The following PIK3C2A variants were observed in gnomAD, a reference collection of about 807,000 sequenced individuals.
The protein encoded by PIK3C2A is phosphatidylinositol 4-phosphate 3-kinase C2 domain-containing subunit alpha.
PIK3C2A carries 97 observed loss-of-function variants against 204.5 expected under a neutral mutation model. The ratio of observed to expected loss-of-function variants is 0.47; its 90% CI spans 0.40 to 0.56. The LOEUF is 0.56. Ranked by LOEUF, PIK3C2A falls within the 20% of genes least tolerant of loss-of-function variation. The pLI is 0.00. For synonymous variants in PIK3C2A, 653 were observed against 664.4 expected (o/e 0.98, Z 0.26); for missense variants, 1,735 against 1,969.2 (o/e 0.88, Z 2.25).
rs143155191 is a variant in PIK3C2A at position 17,162,476 on chromosome 11, T to A, written c.1065+6201A>T. ...TAGCCTAAACCTGCCTCCTAACACA[T>A]TTTAAGTTCAGCCTAACAATTTCTC... On this transcript the variant is annotated intron_variant, in intron 2 of 32. Coordinates refer to ENST00000691414, the MANE Select transcript of PIK3C2A (RefSeq NM_002645.4). Among the ~76,000 whole-genome samples, 446 of 152,324 alleles carry A rather than the reference T, an allele frequency of 2.9e-3. 2 individuals carry two copies. Among genetic ancestry groups the A allele is most frequent in the Non-Finnish European group, 4.9e-3 (330 of 68,024 alleles).
chr11:17,142,383 G>A (rs186160898), intron 8 of PIK3C2A, among the ~76,000 whole-genome samples: 2 of 152,230 alleles, frequency 1.3e-5, no homozygotes, highest in African/African-American at 4.8e-5. Context: ...AGGAAGATAA[G>A]GAAGAAGCCA....
At chr11:17,181,603 AATATAT>A (rs148434889) in intron 1 of PIK3C2A, among the ~76,000 whole-genome samples, 140 of 101,244 alleles carry the variant, frequency 1.4e-3, no homozygotes, top group African/African-American at 3.0e-3. Context: ...CCCATTTTTA[AATATAT>A]ATATATATAT....
chr11:17,158,675 T>C (rs971893349), intron 2 of PIK3C2A, among the ~76,000 whole-genome samples: 1 of 152,164 alleles, frequency 6.6e-6, no homozygotes, highest in Admixed American at 6.6e-5. Flanking sequence ...GGAGCAGTGC[T>C]GGGAAAACCT....
intron 1 of PIK3C2A, among the ~76,000 whole-genome samples, chr11:17,201,190 A>G (rs1481953024): frequency 6.6e-6 from 1 of 151,850 alleles, no homozygotes; most frequent in Non-Finnish European, 1.5e-5. Context: ...TGGGTTACAG[A>G]GCGATATTCT....
intron 18 of PIK3C2A, among the ~76,000 whole-genome samples, chr11:17,118,414 C>T (rs1849272555): frequency 6.6e-6 from 1 of 152,102 alleles, no homozygotes; most frequent in East Asian, 1.9e-4. Flanking sequence ...GCTATATAAG[C>T]AAGTCGAAAC....
At chr11:17,129,919 T>C (rs945235889) in intron 12 of PIK3C2A, among the ~76,000 whole-genome samples, 3 of 152,240 alleles carry the variant, frequency 2.0e-5, no homozygotes, top group Non-Finnish European at 2.9e-5. Flanking sequence ...AACCTTTAGC[T>C]AAATAGAAGT....
At chr11:17,155,679 G>A (rs780981918) in intron 2 of PIK3C2A, 50 bp from the exon 3 acceptor site, 2 of 1,017,876 alleles carry the variant, frequency 2.0e-6, no homozygotes, top group Non-Finnish European at 3.1e-6. Context: ...TCCACAAAAT[G>A]CTACATAGCA....
At chr11:17,124,995 T>C (rs184850942) in intron 13 of PIK3C2A, among the ~76,000 whole-genome samples, 1 of 152,230 alleles carries the variant, frequency 6.6e-6, no homozygotes, top group Admixed American at 6.5e-5. Flanking sequence ...TATTTTGCAG[T>C]TGGTATTGTA....
At chr11:17,165,631 C>T (rs12804000) in intron 2 of PIK3C2A, among the ~76,000 whole-genome samples, 63,826 of 151,420 alleles carry the variant, frequency 0.42, 13,793 homozygotes, top group Non-Finnish European at 0.47. Context: ...CAAAATTAGC[C>T]GGTCGTGGTG....
At chr11:17,160,463 A>T (rs1456358851) in intron 2 of PIK3C2A, among the ~76,000 whole-genome samples, 1 of 152,336 alleles carries the variant, frequency 6.6e-6, no homozygotes, top group Admixed American at 6.5e-5. Context: ...TGGCAATTCT[A>T]TAACATAATG....
intron 8 of PIK3C2A, among the ~76,000 whole-genome samples, chr11:17,140,812 A>G (rs1033701224): frequency 1.3e-5 from 2 of 152,252 alleles, no homozygotes; most frequent in African/African-American, 4.8e-5. Context: ...TATATAAATT[A>G]TACCTCAATA....
chr11:17,132,070 C>A lies in PIK3C2A; in HGVS notation c.2109-32G>T, dbSNP rs565526343. ...AAAGAAAGTTTAACTTGATTTCTAT[C>A]ATGATAATACAAATTAGTTAACTAA... On this transcript the variant is annotated intron_variant, in intron 11 of 32. Coordinates refer to ENST00000691414, the MANE Select transcript of PIK3C2A (RefSeq NM_002645.4). 12 of 1,281,042 alleles carry A rather than the reference C, an allele frequency of 9.4e-6. No individual in the cohort carries two copies. In the South Asian group the frequency reaches 1.6e-4, roughly 17 times the overall value. 79.4% of individuals were successfully genotyped at this position (1,281,042 alleles called of 1,614,324 possible). A position where few individuals can be genotyped will look rare whatever the true frequency, so the allele number is the denominator to read the frequency against.
chr11:17,108,594 T>C (rs146012695), intron 22 of PIK3C2A, among the ~76,000 whole-genome samples: 19 of 152,210 alleles, frequency 1.2e-4, no homozygotes, highest in African/African-American at 3.1e-4. Flanking sequence ...CCAGCCTGTA[T>C]GACAGACAGA....
At chr11:17,171,753 C>T (rs1851171265) in intron 1 of PIK3C2A, among the ~76,000 whole-genome samples, 1 of 152,126 alleles carries the variant, frequency 6.6e-6, no homozygotes. Flanking sequence ...GAGGAAAGTA[C>T]TAATGTCTAC....
At chr11:17,110,249 G>A (rs141067921) in intron 22 of PIK3C2A, among the ~76,000 whole-genome samples, 183 bp downstream of exon 22, 18 of 152,136 alleles carry the variant, frequency 1.2e-4, no homozygotes, top group South Asian at 2.1e-4. Flanking sequence ...CACTATGCCC[G>A]GCCACTAAGT....
intron 1 of PIK3C2A, among the ~76,000 whole-genome samples, chr11:17,185,199 G>A (rs538060234): frequency 3.3e-5 from 5 of 152,072 alleles, no homozygotes; most frequent in East Asian, 3.9e-4. Context: ...GTTTAGATAC[G>A]CAAATACTTA....
chr11:17,146,890 C>T (rs1850261820), intron 6 of PIK3C2A, among the ~76,000 whole-genome samples: 1 of 152,078 alleles, frequency 6.6e-6, no homozygotes, highest in African/African-American at 2.4e-5. Context: ...AAGCAGACAT[C>T]ACTGATATTT....
chr11:17,092,131 G>T (rs756611403), intron 29 of PIK3C2A, 28 bp downstream of exon 29: 1 of 1,472,012 alleles, frequency 6.8e-7, no homozygotes, highest in African/African-American at 1.4e-5. Flanking sequence ...GGTATAAGAT[G>T]TTATTACTTC....
chr11:17,181,456 G>T (rs1851548692), intron 1 of PIK3C2A, among the ~76,000 whole-genome samples: 1 of 151,616 alleles, frequency 6.6e-6, no homozygotes, highest in African/African-American at 2.4e-5. Flanking sequence ...GCAACTGAAA[G>T]ACAGAAAACA....
Sources: allele counts gnomAD v4.1 joint callset (sites outside exome capture counted in the v4.1 genomes callset), GRCh38; gene constraint gnomAD v4.1.1; transcripts MANE v1.5; gene names NCBI Gene and HGNC (gene_info 2026-07-23, HGNC 2026-07-21).